TENM2: variants seen among roughly 807,000 people sequenced by gnomAD.
The protein encoded by TENM2 is teneurin-2.
In TENM2, 52 loss-of-function variants were observed where a neutral mutation model predicts 245.2. That is an observed-to-expected ratio of 0.21 (90% CI 0.17 to 0.27). The LOEUF (loss-of-function observed/expected upper bound fraction) is 0.27, where lower values mean the gene tolerates loss of function less well. TENM2 is among the 10% of genes least tolerant of loss of function. The pLI, the probability that TENM2 is intolerant of heterozygous loss-of-function variation, is 1.00. For synonymous variants in TENM2, 1,363 were observed against 1,438.9 expected, an observed-to-expected ratio of 0.95 and a Z score of 1.19; for missense variants, 3,046 against 3,666.8, an observed-to-expected ratio of 0.83 and a Z score of 4.37.
chr5:168,044,002 GT>G (rs1310746574), intron 5 of TENM2, among the ~76,000 whole-genome samples: 2 of 152,202 alleles, frequency 1.3e-5, no homozygotes, highest in African/African-American at 4.8e-5. Context: ...TGAAATCCCT[GT>G]TCTCAAACTT....
intron 2 of TENM2, among the ~76,000 whole-genome samples, chr5:167,462,519 A>G (rs1432464017): frequency 6.6e-6 from 1 of 152,106 alleles, no homozygotes; most frequent in Non-Finnish European, 1.5e-5. Flanking sequence ...TGTGGGGAAT[A>G]TTATTGCATT....
At position 167,690,928 on chromosome 5, in the gene TENM2, TG is replaced by T. The variant is rs1757393160; in HGVS notation, c.503-185057del. The stretch of plus-strand genomic sequence containing the variant: ...ATATATCCGTATATGCGAGTATGTG[TG>T]TGTGTGTGTGTGTGTGTGTGTGTGT... On this transcript the variant is annotated intron_variant, in intron 2 of 28. Coordinates refer to ENST00000518659, the Ensembl canonical transcript of TENM2. 3.9e-5 allele frequency among the ~76,000 whole-genome samples: 3 copies of T among 77,466 alleles called. No individual in the cohort carries two copies. In the South Asian group the frequency reaches 1.5e-3, roughly 40 times the overall value. The allele number at this position is 77,466 out of a possible 152,430, so 50.8% of individuals were successfully genotyped here. A position where few individuals can be genotyped will look rare whatever the true frequency, so the allele number is the denominator to read the frequency against.
intron 2 of TENM2, among the ~76,000 whole-genome samples, chr5:167,566,110 A>G (rs1773890842): frequency 6.6e-6 from 1 of 151,878 alleles, no homozygotes; most frequent in African/African-American, 2.4e-5. Flanking sequence ...TGAGATCCCT[A>G]CTTTCATTTT....
the TENM2 span, among the ~76,000 whole-genome samples, chr5:167,065,933 G>C: frequency 2.0e-5 from 3 of 152,166 alleles, no homozygotes; most frequent in Non-Finnish European, 4.4e-5. Flanking sequence ...GCTGCAGTTA[G>C]TGTGTATTCT....
At chr5:167,638,090 GGTGTGTGTGTGTGTGTGTGTGTGTGT>G (rs70976439) in intron 2 of TENM2, among the ~76,000 whole-genome samples, 475 of 137,688 alleles carry the variant, frequency 3.4e-3, no homozygotes, top group African/African-American at 0.012. Flanking sequence ...GAACAGGGCA[GGTGTGTGTGTGTGTGTGTGTGTGTGT>G]GTGTGTGTGT....
chr5:167,924,287 C>G (rs1357127686), intron 3 of TENM2, among the ~76,000 whole-genome samples: 1 of 152,234 alleles, frequency 6.6e-6, no homozygotes. Flanking sequence ...GCTGACTCCT[C>G]TGTCAGTGTC....
intron 2 of TENM2, among the ~76,000 whole-genome samples, chr5:167,571,599 G>T (rs2127661093): frequency 6.6e-6 from 1 of 152,222 alleles, no homozygotes; most frequent in East Asian, 1.9e-4. Flanking sequence ...TAAGGAAGCG[G>T]TAAAAATAAA....
intron 2 of TENM2, among the ~76,000 whole-genome samples, chr5:167,711,462 C>T (rs1314359309): frequency 6.6e-6 from 1 of 152,206 alleles, no homozygotes. Context: ...GCTAGTCAAT[C>T]TTCCCATCCT....
chr5:167,342,438 T>A (rs1442469677), intron 1 of TENM2, among the ~76,000 whole-genome samples: 1 of 151,734 alleles, frequency 6.6e-6, no homozygotes, highest in Admixed American at 6.6e-5. Flanking sequence ...CATGACTTAC[T>A]GCTTATGATA....
chr5:168,057,985 A>G (rs907484710), intron 6 of TENM2, among the ~76,000 whole-genome samples: 3 of 152,140 alleles, frequency 2.0e-5, no homozygotes, highest in Non-Finnish European at 2.9e-5. Flanking sequence ...CTGGATGTAC[A>G]GCATCAGCAG....
At chr5:168,214,972 T>G in intron 20 of TENM2, 68 bp from the exon 23 acceptor site, 1 of 1,375,142 alleles carries the variant, frequency 7.3e-7, no homozygotes. Flanking sequence ...ATTTTTGTCA[T>G]TCCTTTGATC....
At chr5:168,077,725 G>C (rs781138675) in intron 7 of TENM2, among the ~76,000 whole-genome samples, 5 of 152,098 alleles carry the variant, frequency 3.3e-5, no homozygotes, top group Non-Finnish European at 7.4e-5. Context: ...ATGGTTTCCA[G>C]CTTCATCCAT....
At chr5:167,971,292 A>G (rs1438968096) in intron 4 of TENM2, among the ~76,000 whole-genome samples, 1 of 152,154 alleles carries the variant, frequency 6.6e-6, no homozygotes, top group African/African-American at 2.4e-5. Context: ...GGACCTGGTG[A>G]TGCAGATATG....
intron 2 of TENM2, among the ~76,000 whole-genome samples, chr5:167,464,024 A>G (rs191928774): frequency 1.3e-5 from 2 of 152,296 alleles, no homozygotes; most frequent in Admixed American, 6.5e-5. Flanking sequence ...ATCGCTGTGT[A>G]TAAATTTCCA....
intron 19 of TENM2, among the ~76,000 whole-genome samples, chr5:168,208,089 A>G (rs1205271257): frequency 6.6e-6 from 1 of 152,132 alleles, no homozygotes; most frequent in African/African-American, 2.4e-5. Flanking sequence ...CACTAACATT[A>G]TAGGGGGAAT....
chr5:167,380,711 T>G (rs139393360), intron 2 of TENM2, among the ~76,000 whole-genome samples: 1 of 152,262 alleles, frequency 6.6e-6, no homozygotes, highest in East Asian at 1.9e-4. Context: ...AGGGACACAT[T>G]GGGCTTGGTG....
chr5:167,010,709 C>A, the TENM2 span, among the ~76,000 whole-genome samples: 1 of 152,182 alleles, frequency 6.6e-6, no homozygotes, highest in East Asian at 1.9e-4. Context: ...ATAAGGAGTT[C>A]TATATTTGTT....
chr5:167,713,429 G>A (rs548977612), intron 2 of TENM2, among the ~76,000 whole-genome samples: 6 of 151,594 alleles, frequency 4.0e-5, no homozygotes, highest in East Asian at 3.9e-4. Context: ...ATCATTTCAC[G>A]AATTTGGGCA....
chr5:167,996,155 C>T lies in TENM2; in HGVS notation c.1186+2973C>T, dbSNP rs542390557. 3.1e-4 allele frequency among the ~76,000 whole-genome samples: 47 copies of T among 152,286 alleles called. No individual in the cohort carries two copies. The South Asian group carries it at 8.9e-3, about 29-fold the overall frequency. Reference sequence around the variant, plus strand: ...CCAGAAATGAGCAGTTTGGACATTGCTCGGCCCCCTGACAAGTTCTTCCAT... The same window carrying T: ...CCAGAAATGAGCAGTTTGGACATTGTTCGGCCCCCTGACAAGTTCTTCCAT... On this transcript the variant is annotated intron_variant, in intron 5 of 28. Coordinates refer to ENST00000518659, the Ensembl canonical transcript of TENM2.
Sources: allele counts gnomAD v4.1 joint callset (sites outside exome capture counted in the v4.1 genomes callset), GRCh38; gene constraint gnomAD v4.1.1; transcripts MANE v1.5; gene names NCBI Gene and HGNC (gene_info 2026-07-23, HGNC 2026-07-21).